Variants in CGNL1 observed in about 807,000 individuals in gnomAD.
CGNL1 encodes cingulin like 1.
In CGNL1, 132 loss-of-function variants were observed where a neutral mutation model predicts 141.2. That is an observed-to-expected ratio of 0.93 (90% CI 0.81 to 1.08). The LOEUF is 1.08. Among genes scored for constraint, CGNL1 ranks in the 50% least tolerant of loss-of-function variants. The pLI, the probability that CGNL1 is intolerant of heterozygous loss-of-function variation, is 0.00. For synonymous variants in CGNL1, 690 were observed against 622.1 expected, an observed-to-expected ratio of 1.11 and a Z score of -1.63; for missense variants, 1,870 against 1,588.6, an observed-to-expected ratio of 1.18 and a Z score of -3.01.
At chr15:57,487,832 G>T (rs1347402908) in intron 8 of CGNL1, among the ~76,000 whole-genome samples, 1 of 152,206 alleles carries the variant, frequency 6.6e-6, no homozygotes, top group African/African-American at 2.4e-5. Context: ...CTCTCAAAGA[G>T]AGTCACCAAT....
intron 1 of CGNL1, among the ~76,000 whole-genome samples, chr15:57,430,623 C>G (rs2063033233): frequency 6.6e-6 from 1 of 152,020 alleles, no homozygotes; most frequent in South Asian, 2.1e-4. Flanking sequence ...GGCGGGTAGA[C>G]TTCCAGGGGG....
At chr15:57,522,829 AACCAC>A (rs2031356407) in intron 10 of CGNL1, among the ~76,000 whole-genome samples, 1 of 152,160 alleles carries the variant, frequency 6.6e-6, no homozygotes, top group South Asian at 2.1e-4. Context: ...TTCAATCAAC[AACCAC>A]CTACCTGGCT....
chr15:57,471,001 C>G (rs1210636677), intron 8 of CGNL1, among the ~76,000 whole-genome samples: 1 of 152,216 alleles, frequency 6.6e-6, no homozygotes, highest in East Asian at 1.9e-4. Flanking sequence ...GTACCTCGAA[C>G]TTGCTGACTT....
At chr15:57,499,276 C>A in intron 8 of CGNL1, among the ~76,000 whole-genome samples, 1 of 129,644 alleles carries the variant, frequency 7.7e-6, no homozygotes, top group Admixed American at 8.5e-5. Flanking sequence ...GACGGAGTCT[C>A]ACTGTGTCAC....
intron 1 of CGNL1, among the ~76,000 whole-genome samples, chr15:57,387,107 T>C (rs1189408970): frequency 6.6e-6 from 1 of 151,936 alleles, no homozygotes; most frequent in African/African-American, 2.4e-5. Flanking sequence ...CCCCAGCCAC[T>C]CCCTCCCTGC....
At chr15:57,382,343 T>C (rs1595640911) in intron 1 of CGNL1, among the ~76,000 whole-genome samples, 1 of 151,884 alleles carries the variant, frequency 6.6e-6, no homozygotes, top group Non-Finnish European at 1.5e-5. Context: ...TAGCGGAGGG[T>C]CGTCATGGAG....
intron 7 of CGNL1, among the ~76,000 whole-genome samples, chr15:57,459,726 A>G (rs1476183085): frequency 1.3e-5 from 2 of 152,208 alleles, no homozygotes. Context: ...CTTTTTGGTT[A>G]TGAGAGACTA....
rs553654889 is a variant in CGNL1, at chr15:57,409,740, C to T, written c.-15-28245C>T. On this transcript the variant is annotated intron_variant, in intron 1 of 18. Transcript: ENST00000281282. ...TAGGAAGAGTCAAGTCGGGCTGGGA[C>T]TGATAGGACTTTTAGACATTTAGAA... 2.6e-5 allele frequency among the ~76,000 whole-genome samples: 4 copies of T among 152,212 alleles called. No individual in the cohort carries two copies. In the East Asian group the frequency reaches 5.8e-4, roughly 22 times the overall value.
chr15:57,460,306 C>A (rs1048698473), intron 7 of CGNL1, among the ~76,000 whole-genome samples: 5 of 151,902 alleles, frequency 3.3e-5, no homozygotes, highest in Non-Finnish European at 7.4e-5. Flanking sequence ...AGAGCAGGGA[C>A]AAAAATCATA....
intron 1 of CGNL1, among the ~76,000 whole-genome samples, chr15:57,405,444 T>C (rs1165715379): frequency 5.3e-5 from 8 of 152,232 alleles, no homozygotes; most frequent in African/African-American, 1.9e-4. Flanking sequence ...TTTTCCTGCC[T>C]TCAGGTAAGA....
chr15:57,541,007 G>C (rs2032534542), intron 14 of CGNL1, among the ~76,000 whole-genome samples: 1 of 152,232 alleles, frequency 6.6e-6, no homozygotes, highest in African/African-American at 2.4e-5. Flanking sequence ...GGCGCCTCTG[G>C]CTTCCTCAGA....
intron 1 of CGNL1, among the ~76,000 whole-genome samples, chr15:57,426,483 G>A (rs1267909610): frequency 6.8e-6 from 1 of 145,996 alleles, no homozygotes; most frequent in Admixed American, 7.1e-5. Context: ...TTCTCTCTCT[G>A]TTGCCCAGGC....
In CGNL1 at chr15:57,447,220, G is replaced by A. The variant is rs189258919; in HGVS notation, c.1804-4280G>A. Among the ~76,000 whole-genome samples, 194 of 152,270 alleles carry A rather than the reference G, an allele frequency of 1.3e-3. 2 individuals carry two copies. Among genetic ancestry groups the A allele is most frequent in the African/African-American group, 4.2e-3 (174 of 41,568 alleles). On this transcript the variant is annotated intron_variant, in intron 4 of 18. Transcript: ENST00000281282. ...CCGTCATTTTTGTTAGAGAGGTCTC[G>A]CACATCTTTCATTTAGATGTAGTCC...
intron 8 of CGNL1, among the ~76,000 whole-genome samples, chr15:57,471,324 A>G (rs1347805800): frequency 6.6e-6 from 1 of 152,206 alleles, no homozygotes; most frequent in Admixed American, 6.5e-5. Flanking sequence ...ACAGTGCAGG[A>G]AGAACTGATG....
At chr15:57,416,528 T>C (rs2062851567) in intron 1 of CGNL1, among the ~76,000 whole-genome samples, 1 of 152,176 alleles carries the variant, frequency 6.6e-6, no homozygotes, top group Admixed American at 6.5e-5. Flanking sequence ...CTTCTTGGTG[T>C]CAGGGCCTAC....
At chr15:57,515,139 T>A (rs1181820182) in intron 8 of CGNL1, among the ~76,000 whole-genome samples, 2 of 152,210 alleles carry the variant, frequency 1.3e-5, no homozygotes, top group African/African-American at 4.8e-5. Flanking sequence ...CTCCTCTGTA[T>A]ATTTTTGTGA....
Position 57,527,845 on chromosome 15 carries a change from A to T in CGNL1, c.3040-809A>T, listed in dbSNP as rs567897310. On this transcript the variant is annotated intron_variant, in intron 12 of 18. Coordinates refer to ENST00000281282, the MANE Select transcript of CGNL1 (RefSeq NM_032866.5). ...TTAATTCAGTTGTGTGTTCTTTTTC[A>T]CTGAGTTGAAACCTCTTTTGAGGTG... 3.9e-5 allele frequency among the ~76,000 whole-genome samples: 6 copies of T among 152,284 alleles called. 1 individual carries two copies. In the South Asian group the frequency reaches 1.0e-3, roughly 26 times the overall value.
intron 1 of CGNL1, among the ~76,000 whole-genome samples, chr15:57,403,748 T>C (rs750804104): frequency 2.6e-5 from 4 of 151,828 alleles, no homozygotes; most frequent in Non-Finnish European, 4.4e-5. Context: ...GAGGTGACGT[T>C]GTGCAGAAGG....
At chr15:57,546,031 C>A in intron 17 of CGNL1, 45 bp from the exon 18 acceptor site, 1 of 1,585,790 alleles carries the variant, frequency 6.3e-7, no homozygotes, top group Non-Finnish European at 8.6e-7. Flanking sequence ...AGCGCTGGGG[C>A]TGGGCCATCA....
Sources: allele counts gnomAD v4.1 joint callset (sites outside exome capture counted in the v4.1 genomes callset), GRCh38; gene constraint gnomAD v4.1.1; transcripts MANE v1.5; gene names NCBI Gene and HGNC (gene_info 2026-07-23, HGNC 2026-07-21).